Variants in MAF observed in about 807,000 individuals in gnomAD.
The protein encoded by MAF is transcription factor Maf.
In MAF, 10 loss-of-function variants were observed where a neutral mutation model predicts 22.0. The observed-to-expected ratio is 0.45, with a 90% confidence interval of 0.28 to 0.77. MAF has a LOEUF of 0.77. Among genes scored for constraint, MAF ranks in the 30% least tolerant of loss-of-function variants. MAF has a pLI of 0.12. For synonymous variants in MAF, 337 were observed against 255.8 expected, an observed-to-expected ratio of 1.32 and a Z score of -3.03; for missense variants, 544 against 548.4, an observed-to-expected ratio of 0.99 and a Z score of 0.08.
At chr16:79,417,022 A>G in the MAF span, among the ~76,000 whole-genome samples, 1 of 152,232 alleles carries the variant, frequency 6.6e-6, no homozygotes, top group Non-Finnish European at 1.5e-5. Context: ...TGTTGTTTCC[A>G]CAATGCCAGA....
chr16:79,425,627 A>T, the MAF span, among the ~76,000 whole-genome samples: 1 of 152,188 alleles, frequency 6.6e-6, no homozygotes, highest in Non-Finnish European at 1.5e-5. Flanking sequence ...AACCAAACCA[A>T]ATCACCATCA....
the MAF span, among the ~76,000 whole-genome samples, chr16:79,454,613 T>C: frequency 1.3e-5 from 2 of 152,350 alleles, no homozygotes; most frequent in African/African-American, 4.8e-5. Context: ...GAAAATGCTC[T>C]TGGATTCAAC....
chr16:79,229,654 A>G, the MAF span, among the ~76,000 whole-genome samples: 1 of 151,948 alleles, frequency 6.6e-6, no homozygotes, highest in African/African-American at 2.4e-5. Flanking sequence ...GGCGAGCAGC[A>G]CCTGGGCAAG....
the MAF span, among the ~76,000 whole-genome samples, chr16:79,391,213 C>A: frequency 6.6e-6 from 1 of 152,132 alleles, no homozygotes; most frequent in Non-Finnish European, 1.5e-5. Flanking sequence ...ACCTCTGCAC[C>A]CTGGTTCCCT....
the MAF span, among the ~76,000 whole-genome samples, chr16:79,314,654 C>G: frequency 2.8e-4 from 43 of 152,298 alleles, no homozygotes; most frequent in East Asian, 7.9e-3. Context: ...GAGCAAATGC[C>G]GGCTGGTTCC....
the MAF span, among the ~76,000 whole-genome samples, chr16:79,215,121 C>T: frequency 2.0e-5 from 3 of 152,156 alleles, no homozygotes; most frequent in Admixed American, 6.5e-5. Flanking sequence ...GTCCATACAG[C>T]TCATAAATTG....
At chr16:79,270,536 G>A in the MAF span, among the ~76,000 whole-genome samples, 56 of 152,308 alleles carry the variant, frequency 3.7e-4, no homozygotes, top group Non-Finnish European at 6.3e-4. Context: ...TGATTTATAG[G>A]CAGGATACCA....
chr16:79,583,231 G>A (rs1445953475), downstream of MAF, among the ~76,000 whole-genome samples: 1 of 152,112 alleles, frequency 6.6e-6, no homozygotes, highest in African/African-American at 2.4e-5. Context: ...TACTGTTTTT[G>A]TTTTGCTTTG....
the MAF span, among the ~76,000 whole-genome samples, chr16:79,290,177 C>G: frequency 6.6e-6 from 1 of 152,024 alleles, no homozygotes; most frequent in Non-Finnish European, 1.5e-5. Flanking sequence ...CTTAAAATCC[C>G]AAGTCCAAAA....
At chr16:79,552,475 A>G in the MAF span, among the ~76,000 whole-genome samples, 14 of 152,224 alleles carry the variant, frequency 9.2e-5, no homozygotes, top group Non-Finnish European at 2.9e-5. Flanking sequence ...TTCCAAAGTG[A>G]CACAATTACA....
At chr16:79,595,502 C>G in intron 1 of MAF, 2 of 1,059,694 alleles carry the variant, frequency 1.9e-6, no homozygotes, top group Non-Finnish European at 2.3e-6. Flanking sequence ...GTCTAACATT[C>G]TATTGGTGTG....
the MAF span, among the ~76,000 whole-genome samples, chr16:79,335,071 GCTA>G: frequency 2.0e-5 from 3 of 151,690 alleles, no homozygotes; most frequent in African/African-American, 7.3e-5. Context: ...TGTAGTCCCA[GCTA>G]CTCGGGAGGC....
the MAF span, among the ~76,000 whole-genome samples, chr16:79,282,710 G>T: frequency 6.6e-6 from 1 of 152,176 alleles, no homozygotes; most frequent in Non-Finnish European, 1.5e-5. Context: ...ACTGTAAGTA[G>T]ATCTCTTTAC....
the MAF span, among the ~76,000 whole-genome samples, chr16:79,213,608 T>A: frequency 2.0e-5 from 3 of 152,276 alleles, no homozygotes; most frequent in African/African-American, 7.2e-5. Context: ...ACCCTGCAAC[T>A]TCCATCATAG....
the MAF span, among the ~76,000 whole-genome samples, chr16:79,220,437 T>A: frequency 1.3e-5 from 2 of 152,138 alleles, no homozygotes; most frequent in African/African-American, 4.8e-5. Context: ...TTTCATTTTA[T>A]ATAGTTGTGA....
At chr16:79,362,645 C>T in the MAF span, among the ~76,000 whole-genome samples, 5 of 152,178 alleles carry the variant, frequency 3.3e-5, no homozygotes, top group Admixed American at 6.5e-5. Flanking sequence ...CAAAGGCAGA[C>T]GGGGTAGTCA....
At chr16:79,486,749 A>G in the MAF span, among the ~76,000 whole-genome samples, 1 of 152,236 alleles carries the variant, frequency 6.6e-6, no homozygotes, top group South Asian at 2.1e-4. Context: ...TTCCTCTGTA[A>G]CATTACTTGG....
At chr16:79,586,340 TC>T (rs1912838942) in intron 1 of MAF, among the ~76,000 whole-genome samples, 1 of 152,200 alleles carries the variant, frequency 6.6e-6, no homozygotes, top group African/African-American at 2.4e-5. Flanking sequence ...TCTCAGGCTG[TC>T]CGCCCCTGGG....
the MAF span, chr16:79,212,163 A>T: frequency 6.7e-7 from 1 of 1,494,218 alleles, no homozygotes; most frequent in Non-Finnish European, 8.9e-7. Flanking sequence ...AGCTACCACC[A>T]CGGCCACCAC....
Sources: allele counts gnomAD v4.1 joint callset (sites outside exome capture counted in the v4.1 genomes callset), GRCh38; gene constraint gnomAD v4.1.1; transcripts MANE v1.5; gene names NCBI Gene and HGNC (gene_info 2026-07-23, HGNC 2026-07-21).